CRYM: variants seen among roughly 807,000 people sequenced by gnomAD.
CRYM encodes ketimine reductase mu-crystallin.
Under a neutral mutation model 32.9 loss-of-function variants are expected in CRYM, and 18 were observed. That is an observed-to-expected ratio of 0.55 (90% CI 0.38 to 0.81). The LOEUF (loss-of-function observed/expected upper bound fraction) is 0.81, where lower values mean the gene tolerates loss of function less well. Among genes scored for constraint, CRYM ranks in the 30% least tolerant of loss-of-function variants. The pLI is 0.00. For missense variants in CRYM, 337 were observed against 393.5 expected (o/e 0.86, Z 1.21); for synonymous variants, 153 against 152.4 (o/e 1.00, Z -0.03).
intron 2 of CRYM, among the ~76,000 whole-genome samples, chr16:21,276,505 G>T (rs1457590232): frequency 6.6e-6 from 1 of 152,206 alleles, no homozygotes; most frequent in Non-Finnish European, 1.5e-5. Context: ...AGAGTTAACT[G>T]TCACACCTGG....
At chr16:21,261,774 T>C (rs1173821429) in intron 6 of CRYM, 1 of 496,526 alleles carries the variant, frequency 2.0e-6, no homozygotes, top group East Asian at 3.8e-5. Flanking sequence ...CCAATCCCAC[T>C]TCTTTAGAGG....
intron 1 of CRYM, among the ~76,000 whole-genome samples, chr16:21,293,021 T>TAGA (rs1347425852): frequency 1.4e-5 from 2 of 140,432 alleles, no homozygotes; most frequent in African/African-American, 5.3e-5. Context: ...GATAGGTAAG[T>TAGA]AGATAGAAGA....
At chr16:21,267,168 G>A (rs1213508574) in intron 5 of CRYM, among the ~76,000 whole-genome samples, 1 of 151,270 alleles carries the variant, frequency 6.6e-6, no homozygotes, top group Non-Finnish European at 1.5e-5. Context: ...CACAATCTTG[G>A]CTCACTGCAA....
intron 1 of CRYM, among the ~76,000 whole-genome samples, chr16:21,297,076 C>A (rs1159610327): frequency 6.6e-6 from 1 of 151,364 alleles, no homozygotes; most frequent in African/African-American, 2.4e-5. Flanking sequence ...TTTTTACCTC[C>A]AGTCGAAGTG....
At chr16:21,275,475 G>A (rs2093384352) in intron 3 of CRYM, 57 bp downstream of exon 3, 8 of 1,496,314 alleles carry the variant, frequency 5.3e-6, no homozygotes, top group East Asian at 2.3e-5. Flanking sequence ...TCAAGATTGA[G>A]ACACCAGACC....
chr16:21,266,574 T>TA (rs2093364162), intron 5 of CRYM, among the ~76,000 whole-genome samples: 1 of 152,098 alleles, frequency 6.6e-6, no homozygotes, highest in African/African-American at 2.4e-5. Flanking sequence ...ACATGTCACA[T>TA]AAAAAATTAC....
intron 3 of CRYM, among the ~76,000 whole-genome samples, chr16:21,272,816 ATTTTTTTTTTTTTTT>A (rs60416570): frequency 4.0e-4 from 17 of 42,318 alleles, no homozygotes; most frequent in Admixed American, 1.0e-3. Flanking sequence ...TGCCCAGCTA[ATTTTTTTTTTTTTTT>A]TTTTTTTTTT....
chr16:21,276,457 G>A (rs1195497384), intron 2 of CRYM, among the ~76,000 whole-genome samples: 1 of 152,156 alleles, frequency 6.6e-6, no homozygotes, highest in Non-Finnish European at 1.5e-5. Context: ...GGAAAAGGAG[G>A]GACATTGTAA....
At position 21,297,037 on chromosome 16, in the gene CRYM, T is replaced by C. The variant is rs564878957; in HGVS notation, c.-193+5941A>G. On this transcript the variant is annotated intron_variant, in intron 1 of 9. Coordinates refer to the CRYM transcript ENST00000219599. ...AATAAAAATGAAAAATAAATAAAGATATTCAATGAAAGAAAAACACAAGCA... is the reference window on the plus strand; with the variant it reads ...AATAAAAATGAAAAATAAATAAAGACATTCAATGAAAGAAAAACACAAGCA... Among the ~76,000 whole-genome samples, 5 of 151,576 alleles carry C rather than the reference T, an allele frequency of 3.3e-5. No homozygotes were observed. In the South Asian group the frequency reaches 1.0e-3, roughly 32 times the overall value.
At chr16:21,291,449 A>T (rs1171125374) in intron 1 of CRYM, among the ~76,000 whole-genome samples, 1 of 152,170 alleles carries the variant, frequency 6.6e-6, no homozygotes, top group Non-Finnish European at 1.5e-5. Flanking sequence ...AACTCAAGTT[A>T]TATGTTATCC....
chr16:21,271,863 A>AT (rs922131039), intron 3 of CRYM, among the ~76,000 whole-genome samples: 40 of 147,114 alleles, frequency 2.7e-4, no homozygotes, highest in East Asian at 1.2e-3. Context: ...TATTTTTAAA[A>AT]TTTTTTTTTT....
At chr16:21,274,082 C>T (rs1298110358) in intron 3 of CRYM, among the ~76,000 whole-genome samples, 1 of 152,174 alleles carries the variant, frequency 6.6e-6, no homozygotes, top group Admixed American at 6.5e-5. Flanking sequence ...TACCACGTTT[C>T]CTTTATAATA....
upstream of CRYM, among the ~76,000 whole-genome samples, chr16:21,283,149 G>A (rs1013507136): frequency 2.0e-5 from 3 of 152,112 alleles, no homozygotes; most frequent in African/African-American, 4.8e-5. Context: ...CTGCGGAGGA[G>A]GTGGTTACTT....
chr16:21,262,406 C>G (rs1014573733), intron 5 of CRYM: 6 of 411,260 alleles, frequency 1.5e-5, no homozygotes, highest in Admixed American at 6.8e-5. Context: ...TCACTTGAAG[C>G]CAGGAGTTTG....
chr16:21,292,831 T>A (rs530924612), intron 1 of CRYM, among the ~76,000 whole-genome samples: 5 of 152,224 alleles, frequency 3.3e-5, no homozygotes, highest in African/African-American at 1.2e-4. Context: ...AACTTTATTA[T>A]CCCAAACTAT....
chr16:21,284,458 C>G (rs1487599904), intron 1 of CRYM, among the ~76,000 whole-genome samples: 1 of 152,156 alleles, frequency 6.6e-6, no homozygotes, highest in African/African-American at 2.4e-5. Context: ...AAACCCTGTA[C>G]TCATTCAGTT....
rs149919559 is a variant in CRYM at position 21,289,799 on chromosome 16, G to C, written c.-192-10839C>G. ...TGATTGGCCCATTTTACAGAGCGCT[G>C]ATTGGCCCATTTACAGAGTGCCGAT... On this transcript the variant is annotated intron_variant, in intron 1 of 9. Transcript: ENST00000219599. 1.1e-3 allele frequency among the ~76,000 whole-genome samples: 165 copies of C among 151,858 alleles called. 1 individual carries two copies. The highest frequency in any genetic ancestry group is 2.1e-3 in the Non-Finnish European group (146 of 67,954).
In CRYM at chr16:21,258,578, T is replaced by C; in HGVS notation, c.*203A>G. Reference sequence around the variant, plus strand: ...ATATAAAGGGAAATGAATGCTATTATAACTTGGTAGAACAGAAGAAATGGC... The same window carrying C: ...ATATAAAGGGAAATGAATGCTATTACAACTTGGTAGAACAGAAGAAATGGC... On this transcript the variant is annotated 3_prime_UTR_variant, in exon 8 of 8. Coordinates refer to ENST00000572914, the MANE Select transcript of CRYM (RefSeq NM_001376256.1). 1 of 617,532 alleles carries C rather than the reference T, an allele frequency of 1.6e-6. No homozygotes were observed. The highest frequency in any genetic ancestry group is 1.9e-5 in the South Asian group (1 of 52,020). 38.3% of individuals were successfully genotyped at this position (617,532 alleles called of 1,614,324 possible).
intron 5 of CRYM, 49 bp downstream of exon 5, chr16:21,267,505 G>T (rs201215621): frequency 1.3e-6 from 2 of 1,593,172 alleles, no homozygotes; most frequent in East Asian, 4.5e-5. Flanking sequence ...CCCGTCTAGA[G>T]AGGAGCCTGG....
Sources: allele counts gnomAD v4.1 joint callset (sites outside exome capture counted in the v4.1 genomes callset), GRCh38; gene constraint gnomAD v4.1.1; transcripts MANE v1.5; gene names NCBI Gene and HGNC (gene_info 2026-07-23, HGNC 2026-07-21).